Variants in ATP11A observed in about 807,000 individuals in gnomAD.
ATP11A encodes phospholipid-transporting ATPase IH.
In ATP11A, 81 loss-of-function variants were observed where a neutral mutation model predicts 154.4. The ratio of observed to expected loss-of-function variants is 0.52; its 90% confidence interval spans 0.44 to 0.63. ATP11A has a LOEUF of 0.63. Among genes scored for constraint, ATP11A ranks in the 30% least tolerant of loss-of-function variants. ATP11A has a pLI of 0.00. For missense variants in ATP11A, 1,316 were observed against 1,474.3 expected (o/e 0.89, Z 1.76); for synonymous variants, 623 against 585.9 (o/e 1.06, Z -0.91).
At chr13:112,823,277 C>T in intron 8 of ATP11A, 68 bp from the exon 9 acceptor site, 1 of 1,217,744 alleles carries the variant, frequency 8.2e-7, no homozygotes, top group Middle Eastern at 1.9e-4. Flanking sequence ...TTCACGTCTG[C>T]CTCTTGCCCC....
intron 1 of ATP11A, among the ~76,000 whole-genome samples, chr13:112,708,097 C>T (rs1489105534): frequency 1.3e-5 from 2 of 152,194 alleles, no homozygotes; most frequent in East Asian, 1.9e-4. Flanking sequence ...AGTTTTGCCT[C>T]ATCCGCCATA....
chr13:112,820,094 A>T (rs2078758367), intron 8 of ATP11A, 144 bp downstream of exon 8: 1 of 763,250 alleles, frequency 1.3e-6, no homozygotes, highest in Non-Finnish European at 2.0e-6. Context: ...GCCGGGCTCC[A>T]CTCTCGTCTC....
Position 112,769,020 on chromosome 13 carries a change from T to C in ATP11A, c.40-16115T>C, listed in dbSNP as rs562051880. Among the ~76,000 whole-genome samples, 84 of 152,160 alleles carry C rather than the reference T, an allele frequency of 5.5e-4. 1 individual carries two copies. The South Asian group carries it at 8.1e-3, about 15-fold the overall frequency. On this transcript the variant is annotated intron_variant, in intron 1 of 29. Coordinates refer to ENST00000375645, the MANE Select transcript of ATP11A (RefSeq NM_015205.3). ...GTGTGACCCATGGTGGAAAGTTGGT[T>C]ATGTCTGTGATTGATGGGGAGGTGT...
intron 14 of ATP11A, among the ~76,000 whole-genome samples, chr13:112,834,243 C>CA (rs1196914123): frequency 7.2e-5 from 11 of 152,238 alleles, no homozygotes; most frequent in Admixed American, 3.9e-4. Flanking sequence ...TCAACAACAA[C>CA]AAAGTCCACG....
Position 112,832,866 on chromosome 13 carries a change from G to A in ATP11A, c.1402G>A (p.Glu468Lys), listed in dbSNP as rs768448846. The change falls in exon 14 of 30, where the codon GAG becomes AAG. Residue 468 changes from glutamate to lysine, a missense_variant. Around this residue, in one of 5 missense-constraint regions of ATP11A, gnomAD observed 876 missense variants for 1,006.8 expected, o/e 0.87. Coordinates refer to ENST00000375645, the MANE Select transcript of ATP11A (RefSeq NM_015205.3). ...SSPSVNGRER[E>K]ELFFRALCLC... Reference sequence around the variant, plus strand: ...GGGAACTGCTTTTTTATAGGAGCGCGAGGAGCTGTTTTTCCGGGCCCTCTG... The same window carrying A: ...GGGAACTGCTTTTTTATAGGAGCGCAAGGAGCTGTTTTTCCGGGCCCTCTG... The A allele has an allele frequency of 2.0e-5, 33 of 1,612,746 alleles. No homozygotes were observed. The Middle Eastern group carries it at 6.6e-4, about 32-fold the overall frequency.
chr13:112,867,406 CA>C (rs760977192), intron 25 of ATP11A, among the ~76,000 whole-genome samples: 5 of 152,200 alleles, frequency 3.3e-5, no homozygotes, highest in Non-Finnish European at 5.9e-5. Flanking sequence ...ACGTGCCTCC[CA>C]AGAGCCCCCG....
intron 25 of ATP11A, among the ~76,000 whole-genome samples, chr13:112,863,841 C>G (rs372592332): frequency 9.8e-5 from 7 of 71,584 alleles, no homozygotes; most frequent in Middle Eastern, 0.012. Flanking sequence ...TCACCACCTG[C>G]GCAGTAATTC....
intron 5 of ATP11A, among the ~76,000 whole-genome samples, chr13:112,811,018 G>A (rs2078478370): frequency 6.8e-6 from 1 of 146,842 alleles, no homozygotes; most frequent in African/African-American, 2.5e-5. Flanking sequence ...AGACTGAGAT[G>A]TTTTTTATTG....
At chr13:112,757,296 G>C (rs1001779022) in intron 1 of ATP11A, among the ~76,000 whole-genome samples, 1 of 152,234 alleles carries the variant, frequency 6.6e-6, no homozygotes, top group Non-Finnish European at 1.5e-5. Context: ...AACAAACATA[G>C]GAAGCTTTCA....
chr13:112,816,029 C>G, intron 5 of ATP11A, 54 bp from the exon 6 acceptor site: 2 of 1,609,440 alleles, frequency 1.2e-6, no homozygotes, highest in Admixed American at 1.7e-5. Context: ...ACAGGACGGG[C>G]AAGCTTTCAC....
At chr13:112,773,029 A>G (rs1019470064) in intron 1 of ATP11A, among the ~76,000 whole-genome samples, 4 of 152,130 alleles carry the variant, frequency 2.6e-5, no homozygotes, top group African/African-American at 7.2e-5. Flanking sequence ...CCATACAGGG[A>G]AGGCCTGGTC....
chr13:112,757,664 G>A (rs1242237148), intron 1 of ATP11A, among the ~76,000 whole-genome samples: 3 of 152,228 alleles, frequency 2.0e-5, no homozygotes, highest in South Asian at 2.1e-4. Context: ...CCAGGGGCAC[G>A]GACCAGCAGG....
chr13:112,871,639 C>T, intron 25 of ATP11A, 96 bp from the exon 26 acceptor site: 2 of 1,198,036 alleles, frequency 1.7e-6, no homozygotes, highest in Non-Finnish European at 1.2e-6. Flanking sequence ...TGTTGGCACA[C>T]AAGAAAAATG....
rs145845157 is a variant in ATP11A at position 112,717,911 on chromosome 13, T to A, written c.39+27456T>A. Among the ~76,000 whole-genome samples, 132 of 152,314 alleles carry A rather than the reference T, an allele frequency of 8.7e-4. 1 individual carries two copies. In the East Asian group the frequency reaches 0.023, roughly 27 times the overall value. On this transcript the variant is annotated intron_variant, in intron 1 of 29. Transcript: ENST00000375645. ...GACCAACATGGTGAAACCCCATCTC[T>A]ACTAAAAATACAAAAATTAGCTGAG...
chr13:112,869,284 G>A (rs1566596453), intron 25 of ATP11A, among the ~76,000 whole-genome samples: 1 of 152,346 alleles, frequency 6.6e-6, no homozygotes, highest in East Asian at 1.9e-4. Flanking sequence ...CTGGATTCAC[G>A]ATAGCTGTGC....
At chr13:112,813,524 G>A (rs533716356) in intron 5 of ATP11A, among the ~76,000 whole-genome samples, 4 of 152,208 alleles carry the variant, frequency 2.6e-5, no homozygotes, top group Admixed American at 6.5e-5. Flanking sequence ...AGGGCTTTTC[G>A]ATTTTTCTAG....
At chr13:112,711,544 C>T (rs571971710) in intron 1 of ATP11A, among the ~76,000 whole-genome samples, 29 of 151,416 alleles carry the variant, frequency 1.9e-4, no homozygotes, top group Non-Finnish European at 3.8e-4. Flanking sequence ...AGCCCAGGGA[C>T]GTCACCGTAA....
intron 1 of ATP11A, among the ~76,000 whole-genome samples, chr13:112,702,095 C>G (rs925492082): frequency 3.3e-5 from 5 of 152,010 alleles, no homozygotes; most frequent in Non-Finnish European, 7.4e-5. Flanking sequence ...CCTGTAATCC[C>G]AGCACTTTGG....
chr13:112,845,512 C>CA (rs1181269006), intron 17 of ATP11A, among the ~76,000 whole-genome samples: 5 of 117,898 alleles, frequency 4.2e-5, no homozygotes, highest in South Asian at 2.5e-4. Flanking sequence ...GTCCAGTTGC[C>CA]GGCACTAGCG....
Sources: gnomAD v4.1 joint callset for allele counts (sites outside exome capture counted in the v4.1 genomes callset) on GRCh38, gnomAD v4.1.1 for gene constraint, gnomAD v4.1.1 regional missense constraint, MANE v1.5 for transcripts, NCBI Gene and HGNC (gene_info 2026-07-23, HGNC 2026-07-21) for gene names.